PPP2R2B: variants seen among roughly 807,000 people sequenced by gnomAD.
PPP2R2B encodes the protein protein phosphatase 2 regulatory subunit Bbeta.
PPP2R2B carries 5 observed loss-of-function variants against 46.0 expected under a neutral mutation model. That is an observed-to-expected ratio of 0.11 (90% CI 0.06 to 0.23). The LOEUF (loss-of-function observed/expected upper bound fraction) is 0.23. Ranked by LOEUF, PPP2R2B falls within the 10% of genes least tolerant of loss-of-function variation. PPP2R2B has a pLI of 1.00. For missense variants in PPP2R2B, 367 were observed against 575.0 expected, an observed-to-expected ratio of 0.64 and a Z score of 3.70; for synonymous variants, 215 against 206.7, an observed-to-expected ratio of 1.04 and a Z score of -0.34.
At chr5:146,950,301 T>C (rs1413572221) in intron 1 of PPP2R2B, among the ~76,000 whole-genome samples, 2 of 152,112 alleles carry the variant, frequency 1.3e-5, no homozygotes, top group Non-Finnish European at 2.9e-5. Context: ...TTGAACATGA[T>C]AGATAATTTA....
intron 1 of PPP2R2B, among the ~76,000 whole-genome samples, chr5:147,054,922 T>C (rs1757002849): frequency 6.6e-6 from 1 of 152,196 alleles, no homozygotes; most frequent in South Asian, 2.1e-4. Flanking sequence ...CTTCTGACTA[T>C]AGAAATGTGG....
chr5:146,696,708 GGAAAAACA>G (rs1779201642), intron 4 of PPP2R2B, among the ~76,000 whole-genome samples: 1 of 152,168 alleles, frequency 6.6e-6, no homozygotes, highest in Non-Finnish European at 1.5e-5. Context: ...CTTGGAGTCT[GGAAAAACA>G]GATGAGTAGA....
chr5:147,014,370 GC>G (rs1424494811), intron 1 of PPP2R2B, among the ~76,000 whole-genome samples: 2 of 149,640 alleles, frequency 1.3e-5, no homozygotes, highest in Non-Finnish European at 3.0e-5. Flanking sequence ...ATTTGACCCA[GC>G]CATCCCATTA....
rs996403708 is a variant in PPP2R2B, at chr5:146,587,235, G to A, written c.*2712C>T. Reference sequence around the variant, plus strand: ...TCACACATGTAAAATACCTAGTTCAGTACCTGGTAAAGAACAGTTAATTTG... The same window carrying A: ...TCACACATGTAAAATACCTAGTTCAATACCTGGTAAAGAACAGTTAATTTG... On this transcript the variant is annotated 3_prime_UTR_variant, in exon 10 of 10. Transcript: ENST00000394411. The A allele has an allele frequency of 3.9e-5, 6 of 152,200 alleles. No individual in the cohort carries two copies. The highest frequency in any genetic ancestry group is 7.3e-5 in the Non-Finnish European group (5 of 68,048). 9.4% of individuals were successfully genotyped at this position (152,200 alleles called of 1,614,324 possible). A position where few individuals can be genotyped will look rare whatever the true frequency, so the allele number is the denominator to read the frequency against.
chr5:147,010,234 C>CTAG (rs1357992562), intron 1 of PPP2R2B, among the ~76,000 whole-genome samples: 1 of 152,136 alleles, frequency 6.6e-6, no homozygotes, highest in African/African-American at 2.4e-5. Context: ...GTCAGCTAGA[C>CTAG]TAGTGATCCC....
chr5:146,791,025 A>G (rs1756165869), intron 2 of PPP2R2B, among the ~76,000 whole-genome samples: 1 of 152,222 alleles, frequency 6.6e-6, no homozygotes, highest in Admixed American at 6.5e-5. Flanking sequence ...CCAAAGGAAG[A>G]TGAAAAAGAA....
At position 146,945,860 on chromosome 5, in the gene PPP2R2B, C is replaced by G. The variant is rs190609600; in HGVS notation, c.79+109805G>C. Among the ~76,000 whole-genome samples the G allele has an allele frequency of 8.8e-4, 134 of 152,246 alleles. 2 individuals are homozygous for G. Among genetic ancestry groups the G allele is most frequent in the African/African-American group, 3.1e-3 (129 of 41,560 alleles). ...TTGTTTCCAAGAATGAGCTGAGACA[C>G]GTGTCAGATCTTTCTAATAGCCAGG... On this transcript the variant is annotated intron_variant, in intron 1 of 8. Coordinates refer to the PPP2R2B transcript ENST00000336640.
At chr5:146,860,600 G>T (rs559768636) in intron 2 of PPP2R2B, among the ~76,000 whole-genome samples, 1 of 152,238 alleles carries the variant, frequency 6.6e-6, no homozygotes, top group South Asian at 2.1e-4. Flanking sequence ...CAGTAGGTCC[G>T]ATAGTCACTA....
At chr5:147,058,623 T>C (rs752870392), upstream of PPP2R2B, among the ~76,000 whole-genome samples, 1 of 152,184 alleles carries the variant, frequency 6.6e-6, no homozygotes, top group African/African-American at 2.4e-5. Context: ...ATGTTTTCAA[T>C]TGAAATCTAA....
intron 5 of PPP2R2B, among the ~76,000 whole-genome samples, chr5:146,679,957 C>T (rs1177266567): frequency 7.3e-5 from 8 of 109,602 alleles, no homozygotes; most frequent in South Asian, 3.9e-4. Flanking sequence ...GGACTGTAAA[C>T]TAGTTCAACC....
At chr5:146,997,971 G>T (rs1362827642) in intron 1 of PPP2R2B, among the ~76,000 whole-genome samples, 1 of 152,084 alleles carries the variant, frequency 6.6e-6, no homozygotes, top group Admixed American at 6.5e-5. Flanking sequence ...AAACCCCAAA[G>T]GTAAAACAGA....
chr5:146,952,841 T>C (rs1425768318), intron 1 of PPP2R2B, among the ~76,000 whole-genome samples: 2 of 152,114 alleles, frequency 1.3e-5, no homozygotes, highest in Non-Finnish European at 2.9e-5. Flanking sequence ...GTGAGAGTCA[T>C]AAGCTTTAGC....
At chr5:146,702,052 G>A (rs1779572251) in intron 2 of PPP2R2B, among the ~76,000 whole-genome samples, 1 of 114,700 alleles carries the variant, frequency 8.7e-6, no homozygotes, top group Non-Finnish European at 1.7e-5. Flanking sequence ...GAGTGCAAAT[G>A]AGTTAAAAAA....
rs114558830 is a variant in PPP2R2B at position 146,651,251 on chromosome 5, C to T, written c.448-527G>A. ...CTTTAGCATCACCCAAGACTCTAAT[C>T]GTCCAAATTCAGCCACTAATATATA... On this transcript the variant is annotated intron_variant, in intron 5 of 9. Transcript: ENST00000394411. Among the ~76,000 whole-genome samples, 672 of 152,236 alleles carry T rather than the reference C, an allele frequency of 4.4e-3. 6 individuals carry two copies. Among genetic ancestry groups the T allele is most frequent in the African/African-American group, 0.015 (643 of 41,536 alleles).
At chr5:146,694,442 TC>T (rs1445846493) in intron 4 of PPP2R2B, among the ~76,000 whole-genome samples, 1 of 152,218 alleles carries the variant, frequency 6.6e-6, no homozygotes, top group African/African-American at 2.4e-5. Flanking sequence ...TTGGAATGTA[TC>T]CCATCCCATT....
At chr5:146,727,685 T>A (rs1751961208) in intron 2 of PPP2R2B, among the ~76,000 whole-genome samples, 1 of 152,082 alleles carries the variant, frequency 6.6e-6, no homozygotes, top group South Asian at 2.1e-4. Context: ...TTTAAAAAAA[T>A]TATAAAAAAT....
At chr5:146,652,274 GC>G (rs1430223037) in intron 5 of PPP2R2B, among the ~76,000 whole-genome samples, 2 of 152,282 alleles carry the variant, frequency 1.3e-5, no homozygotes, top group South Asian at 4.1e-4. Flanking sequence ...TGCTCCCTGT[GC>G]TCTCACTATC....
intron 2 of PPP2R2B, among the ~76,000 whole-genome samples, chr5:147,066,903 G>A (rs1468714706): frequency 6.6e-6 from 1 of 152,016 alleles, no homozygotes; most frequent in African/African-American, 2.4e-5. Flanking sequence ...CCTGGGTGTT[G>A]GCCAAAAGAC....
At chr5:147,053,234 G>A (rs1344539272) in intron 1 of PPP2R2B, among the ~76,000 whole-genome samples, 7 of 140,172 alleles carry the variant, frequency 5.0e-5, no homozygotes, top group African/African-American at 7.9e-5. Context: ...AAACACACGC[G>A]CACACAAAAA....
Sources: allele counts gnomAD v4.1 joint callset (sites outside exome capture counted in the v4.1 genomes callset), GRCh38; gene constraint gnomAD v4.1.1; transcripts MANE v1.5; gene names NCBI Gene and HGNC (gene_info 2026-07-23, HGNC 2026-07-21).